The following CYFIP1 variants were observed in gnomAD, a reference collection of about 807,000 sequenced individuals.
CYFIP1 encodes cytoplasmic FMR1-interacting protein 1.
A neutral mutation model predicts 163.5 loss-of-function variants in CYFIP1; 58 were observed. The ratio of observed to expected loss-of-function variants is 0.35; its 90% CI spans 0.29 to 0.44. The LOEUF (loss-of-function observed/expected upper bound fraction) is 0.44, where lower values mean the gene tolerates loss of function less well. Ranked by LOEUF, CYFIP1 falls within the 20% of genes least tolerant of loss-of-function variation. CYFIP1 has a pLI of 1.00. For missense variants in CYFIP1, 1,338 were observed against 1,653.8 expected, an observed-to-expected ratio of 0.81 and a Z score of 3.31; for synonymous variants, 663 against 660.7, an observed-to-expected ratio of 1.00 and a Z score of -0.05.
chr15:22,942,381 C>A (rs963611213), intron 6 of CYFIP1, among the ~76,000 whole-genome samples: 1 of 152,218 alleles, frequency 6.6e-6, no homozygotes, highest in Non-Finnish European at 1.5e-5. Flanking sequence ...CAAAACATGT[C>A]TTCAAAAGCA....
intron 1 of CYFIP1, among the ~76,000 whole-genome samples, chr15:22,960,081 G>A (rs1173730853): frequency 6.6e-6 from 1 of 152,198 alleles, no homozygotes; most frequent in African/African-American, 2.4e-5. Context: ...TACTGCGCCT[G>A]GCCTGTGGGC....
At chr15:22,883,977 T>C (rs189825784) in intron 23 of CYFIP1, among the ~76,000 whole-genome samples, 1 of 152,220 alleles carries the variant, frequency 6.6e-6, no homozygotes, top group African/African-American at 2.4e-5. Context: ...GCGAAGCCCC[T>C]TATAAAACCA....
At chr15:22,955,293 G>A (rs970496038) in intron 1 of CYFIP1, among the ~76,000 whole-genome samples, 4 of 152,216 alleles carry the variant, frequency 2.6e-5, no homozygotes, top group Non-Finnish European at 5.9e-5. Flanking sequence ...GCTGGATGGG[G>A]TCGCCAGCTG....
At chr15:22,908,119 A>G (rs973010831) in intron 21 of CYFIP1, among the ~76,000 whole-genome samples, 1 of 152,168 alleles carries the variant, frequency 6.6e-6, no homozygotes, top group African/African-American at 2.4e-5. Flanking sequence ...TGATAGAGAC[A>G]CAGGGAAAAA....
rs1184253924 is a variant in CYFIP1 at position 22,943,339 on chromosome 15, G to A, written c.403C>T (p.Arg135Cys). ...AGGCGCCTCACTTCCCCGCAGAAACGCTCAATGGCATTTCTCTGTGCAGAG... is the reference window on the plus strand; with the variant it reads ...AGGCGCCTCACTTCCCCGCAGAAACACTCAATGGCATTTCTCTGTGCAGAG... The part of the protein sequence containing the change: ...FMYFQRNAIE[R>C]FCGEVRRLCH... The change falls in exon 6 of 31, where the codon CGT becomes TGT. Residue 135 changes from arginine to cysteine, a missense_variant. Physicochemically the swap from Arg to Cys is radical, Grantham distance 180 (BLOSUM62 -3). Transcript: ENST00000617928. The A allele has an allele frequency of 6.2e-7, 1 of 1,613,980 alleles. No homozygotes were observed. Among genetic ancestry groups the A allele is most frequent in the East Asian group, 2.2e-5 (1 of 44,892 alleles).
At chr15:22,871,270 AAC>A (rs1379616608) in intron 30 of CYFIP1, among the ~76,000 whole-genome samples, 7 of 152,268 alleles carry the variant, frequency 4.6e-5, no homozygotes, top group Admixed American at 2.0e-4. Context: ...CTAGAAGGAA[AAC>A]ACACAGAATA....
At chr15:22,881,746 T>C in intron 25 of CYFIP1, 100 bp downstream of exon 25, 4 of 1,152,718 alleles carry the variant, frequency 3.5e-6, no homozygotes, top group Non-Finnish European at 5.0e-6. Context: ...TACTGCCTCT[T>C]CCCACATGGC....
chr15:22,881,071 G>C (rs539628313), intron 25 of CYFIP1, among the ~76,000 whole-genome samples: 17 of 152,268 alleles, frequency 1.1e-4, no homozygotes, highest in Non-Finnish European at 1.9e-4. Context: ...TGGTGGCTGA[G>C]GGGGACACCT....
chr15:22,934,052 C>T (rs972709511), intron 9 of CYFIP1, among the ~76,000 whole-genome samples, 159 bp from the exon 10 acceptor site: 3 of 151,012 alleles, frequency 2.0e-5, no homozygotes, highest in South Asian at 2.1e-4. Flanking sequence ...CTTCTACATT[C>T]GCTTTGAGAG....
At position 22,874,193 on chromosome 15, in the gene CYFIP1, C is replaced by G. The variant is rs184854726; in HGVS notation, c.3210+357G>C. Reference sequence around the variant, plus strand: ...AGAAACCCTGACTTAGCATAAGCAGCTGGATCACTGTAGAACTCTACCCTG... The same window carrying G: ...AGAAACCCTGACTTAGCATAAGCAGGTGGATCACTGTAGAACTCTACCCTG... On this transcript the variant is annotated intron_variant, in intron 28 of 30. Coordinates refer to ENST00000617928, the MANE Select transcript of CYFIP1 (RefSeq NM_014608.6). Among the ~76,000 whole-genome samples the G allele has an allele frequency of 1.6e-3, 248 of 152,326 alleles. 1 individual carries two copies. The highest frequency in any genetic ancestry group is 7.6e-4 in the Non-Finnish European group (52 of 68,026).
chr15:22,917,896 C>T lies in CYFIP1; in HGVS notation c.1566G>A (p.Glu522=). The change falls in exon 15 of 31, where the codon GAG becomes GAA. Residue 522 remains glutamate, a synonymous_variant. Coordinates refer to ENST00000617928, the MANE Select transcript of CYFIP1 (RefSeq NM_014608.6). The surrounding 1 kb of genome is among the most constrained non-coding windows in gnomAD (Gnocchi z 4.2). ...GGTCATTGAAGGGCTCATGCCCCGT[C>T]TCCCAGTCACACACGGTCTTCCTGA... ...QAIRKTVCDW[E]TGHEPFNDPA... is the part of the protein sequence containing the mutation. The T allele has an allele frequency of 1.9e-6, 3 of 1,613,908 alleles. No individual in the cohort carries two copies. The highest frequency in any genetic ancestry group is 2.5e-6 in the Non-Finnish European group (3 of 1,179,910).
At chr15:22,879,872 T>C (rs763361550) in intron 26 of CYFIP1, 41 bp downstream of exon 26, 1 of 1,070,594 alleles carries the variant, frequency 9.3e-7, no homozygotes, top group Non-Finnish European at 1.2e-6. Flanking sequence ...TGGGGTGGGG[T>C]GGGCTGGGGC....
At chr15:22,960,895 C>T (rs571263501) in intron 1 of CYFIP1, among the ~76,000 whole-genome samples, 1 of 152,322 alleles carries the variant, frequency 6.6e-6, no homozygotes, top group Admixed American at 6.5e-5. Context: ...TACGGGGGCC[C>T]ACGAACAAGG....
chr15:22,908,514 A>ATTTTTT (rs2060660703), intron 21 of CYFIP1, among the ~76,000 whole-genome samples: 4 of 95,112 alleles, frequency 4.2e-5, no homozygotes, highest in African/African-American at 1.4e-4. Flanking sequence ...TAAAGAAGAT[A>ATTTTTT]TTTCTTTTTT....
intron 1 of CYFIP1, among the ~76,000 whole-genome samples, chr15:22,962,639 G>A (rs1046549124): frequency 1.1e-4 from 17 of 151,648 alleles, no homozygotes; most frequent in African/African-American, 4.1e-4. Context: ...CCCGACCTCA[G>A]GTGATCCACC....
chr15:22,939,788 C>T (rs1267532355), intron 6 of CYFIP1, among the ~76,000 whole-genome samples: 1 of 152,160 alleles, frequency 6.6e-6, no homozygotes, highest in Admixed American at 6.5e-5. Context: ...AGGGTCCCTG[C>T]ACACTGGTCT....
intron 26 of CYFIP1, 98 bp downstream of exon 26, chr15:22,879,815 C>T (rs1488223651): frequency 2.3e-6 from 2 of 860,142 alleles, no homozygotes; most frequent in Non-Finnish European, 3.6e-6. Context: ...GTTGCCACAC[C>T]CCCACTAAAG....
At chr15:22,904,208 T>C in intron 21 of CYFIP1, 1 of 462,374 alleles carries the variant, frequency 2.2e-6, no homozygotes, top group Non-Finnish European at 4.0e-6. Flanking sequence ...TCCCCCCATG[T>C]GCCCGCTGAG....
chr15:22,903,256 G>A (rs1194704599), intron 22 of CYFIP1, among the ~76,000 whole-genome samples: 1 of 152,144 alleles, frequency 6.6e-6, no homozygotes, highest in Non-Finnish European at 1.5e-5. Context: ...CCGGTGTGCG[G>A]AGCCCAGGGC....
Sources: allele counts gnomAD v4.1 joint callset (sites outside exome capture counted in the v4.1 genomes callset), GRCh38; gene constraint gnomAD v4.1.1; non-coding constraint Gnocchi (gnomAD v3.1); transcripts MANE v1.5; gene names NCBI Gene and HGNC (gene_info 2026-07-23, HGNC 2026-07-21).